GPC5: variants seen among roughly 807,000 people sequenced by gnomAD.
GPC5 encodes glypican-5.
Under a neutral mutation model 53.9 loss-of-function variants are expected in GPC5, and 47 were observed. The observed-to-expected ratio is 0.87, with a 90% CI of 0.69 to 1.11. The LOEUF (loss-of-function observed/expected upper bound fraction) is 1.11. GPC5 is among the 50% of genes most tolerant of loss of function. The probability of loss-of-function intolerance (pLI) is 0.00; values close to 1 mark genes in which losing one functional copy is unlikely to be tolerated. For synonymous variants in GPC5, 286 were observed against 263.3 expected (o/e 1.09, Z -0.84); for missense variants, 748 against 713.1 (o/e 1.05, Z -0.56).
At chr13:92,814,922 C>A (rs1566430128) in intron 7 of GPC5, among the ~76,000 whole-genome samples, 1 of 151,746 alleles carries the variant, frequency 6.6e-6, no homozygotes. Flanking sequence ...GTTTTTAAAC[C>A]TATTTCCCAT....
intron 6 of GPC5, among the ~76,000 whole-genome samples, chr13:91,931,723 G>A (rs1456834118): frequency 2.6e-5 from 4 of 151,986 alleles, no homozygotes; most frequent in Admixed American, 6.6e-5. Flanking sequence ...AGCGGAAAAA[G>A]GGAGAACTTG....
In GPC5 at chr13:91,697,492, T is replaced by C. The variant is rs1005664986; in HGVS notation, c.1020+3611T>C. 2.0e-5 allele frequency among the ~76,000 whole-genome samples: 3 copies of C among 152,158 alleles called. No homozygotes were observed. In the South Asian group the frequency reaches 6.2e-4, roughly 32 times the overall value. On this transcript the variant is annotated intron_variant, in intron 3 of 7. Transcript: ENST00000377067. ...AGTAAACATTTATTTCTTAGGGGTG[T>C]AGAGCTCAAAAAATATTTTAAATAA...
At chr13:91,752,995 C>T (rs989773310) in intron 4 of GPC5, among the ~76,000 whole-genome samples, 1 of 152,174 alleles carries the variant, frequency 6.6e-6, no homozygotes, top group African/African-American at 2.4e-5. Flanking sequence ...AAAGAAATCT[C>T]AAACTGAACA....
At chr13:92,648,797 G>A (rs148384730) in intron 7 of GPC5, among the ~76,000 whole-genome samples, 3 of 152,230 alleles carry the variant, frequency 2.0e-5, no homozygotes, top group Non-Finnish European at 4.4e-5. Context: ...AATGAAGGGA[G>A]GATCAAACTG....
intron 6 of GPC5, among the ~76,000 whole-genome samples, chr13:92,142,332 C>A (rs1331002): frequency 6.6e-6 from 1 of 152,076 alleles, no homozygotes; most frequent in South Asian, 2.1e-4. Context: ...TTGGTAGGCA[C>A]GACTGACATC....
intron 7 of GPC5, among the ~76,000 whole-genome samples, chr13:92,727,266 G>A (rs1888673985): frequency 6.6e-6 from 1 of 151,424 alleles, no homozygotes; most frequent in Admixed American, 6.6e-5. Context: ...ATTTTGCTGT[G>A]TAAACACTAT....
rs958860136 is a variant in GPC5, at chr13:92,703,473, G to GT, written c.1562-162803dup. ...TATATCTGCCTTTTGAAAGTCTAGG[G>GT]TTTTTTGTCTTTATTTGTCATATAG... On this transcript the variant is annotated intron_variant, in intron 7 of 7. Transcript: ENST00000377067. Among the ~76,000 whole-genome samples the GT allele has an allele frequency of 8.3e-4, 126 of 151,330 alleles. 3 individuals are homozygous for GT. The East Asian group carries it at 0.019, about 22-fold the overall frequency.
At chr13:92,744,351 A>G (rs1445078357) in intron 7 of GPC5, among the ~76,000 whole-genome samples, 1 of 152,120 alleles carries the variant, frequency 6.6e-6, no homozygotes, top group African/African-American at 2.4e-5. Context: ...GGATGTTTAT[A>G]ACCATTCAAT....
chr13:91,705,592 T>A (rs1290537144), intron 3 of GPC5, among the ~76,000 whole-genome samples: 1 of 152,126 alleles, frequency 6.6e-6, no homozygotes, highest in East Asian at 1.9e-4. Context: ...GATATCATCG[T>A]TGGGGGGAAG....
intron 5 of GPC5, among the ~76,000 whole-genome samples, chr13:91,828,423 A>AC (rs1306587015): frequency 2.0e-5 from 3 of 151,952 alleles, no homozygotes; most frequent in Non-Finnish European, 4.4e-5. Flanking sequence ...ATACACACAC[A>AC]CAAATACTTC....
chr13:92,137,412 T>C (rs2041793162), intron 6 of GPC5, among the ~76,000 whole-genome samples: 2 of 152,084 alleles, frequency 1.3e-5, no homozygotes, highest in African/African-American at 2.4e-5. Context: ...CAAGGCAGAG[T>C]GGGGAGCCAG....
chr13:92,066,468 C>A (rs2041168502), intron 6 of GPC5, among the ~76,000 whole-genome samples: 1 of 151,172 alleles, frequency 6.6e-6, no homozygotes, highest in Non-Finnish European at 1.5e-5. Flanking sequence ...GCCTGCATGA[C>A]TTCTTAAAGT....
At chr13:92,488,988 C>A (rs780001527) in intron 7 of GPC5, among the ~76,000 whole-genome samples, 6 of 152,116 alleles carry the variant, frequency 3.9e-5, no homozygotes, top group Non-Finnish European at 5.9e-5. Context: ...GAATTATATA[C>A]AAGTTCCCAG....
At chr13:92,078,954 C>T (rs1443802786) in intron 6 of GPC5, among the ~76,000 whole-genome samples, 1 of 152,194 alleles carries the variant, frequency 6.6e-6, no homozygotes, top group Non-Finnish European at 1.5e-5. Context: ...GACCTCAGAG[C>T]TCTGTGCAGT....
At chr13:92,610,790 G>A (rs1443788370) in intron 7 of GPC5, among the ~76,000 whole-genome samples, 2 of 151,958 alleles carry the variant, frequency 1.3e-5, no homozygotes, top group African/African-American at 4.8e-5. Flanking sequence ...AAGTGAAGGA[G>A]GAAGAGCCCC....
At chr13:92,313,071 C>T (rs184532579) in intron 7 of GPC5, among the ~76,000 whole-genome samples, 25 of 152,218 alleles carry the variant, frequency 1.6e-4, no homozygotes, top group African/African-American at 5.5e-4. Context: ...CCTACTTGTT[C>T]ATATAAAGAG....
chr13:92,590,495 T>G (rs1883679140), intron 7 of GPC5, among the ~76,000 whole-genome samples: 1 of 152,222 alleles, frequency 6.6e-6, no homozygotes, highest in Admixed American at 6.5e-5. Flanking sequence ...CATTACTCTC[T>G]TCCTTTGTTT....
chr13:92,148,793 A>C (rs1366509943), intron 7 of GPC5, among the ~76,000 whole-genome samples: 5 of 152,126 alleles, frequency 3.3e-5, no homozygotes, highest in South Asian at 2.1e-4. Context: ...TTGGCCATGC[A>C]GAACGAATCT....
At chr13:91,438,725 C>A (rs926199128) in intron 1 of GPC5, among the ~76,000 whole-genome samples, 1 of 152,178 alleles carries the variant, frequency 6.6e-6, no homozygotes, top group Non-Finnish European at 1.5e-5. Context: ...GAGGATTCTG[C>A]GCCTTGTGTT....
Sources: gnomAD v4.1 joint callset for allele counts (sites outside exome capture counted in the v4.1 genomes callset) on GRCh38, gnomAD v4.1.1 for gene constraint, MANE v1.5 for transcripts, NCBI Gene and HGNC (gene_info 2026-07-23, HGNC 2026-07-21) for gene names.